ERC2: variants seen among roughly 807,000 people sequenced by gnomAD.
ERC2 encodes ELKS/RAB6-interacting/CAST family member 2.
ERC2 carries 42 observed loss-of-function variants against 114.8 expected under a neutral mutation model. The observed-to-expected ratio is 0.37, with a 90% CI of 0.29 to 0.47. ERC2 has a LOEUF of 0.47. Among genes scored for constraint, ERC2 ranks in the 20% least tolerant of loss-of-function variants. The pLI, the probability that ERC2 is intolerant of heterozygous loss-of-function variation, is 0.99. For missense variants in ERC2, 939 were observed against 1,150.7 expected, an observed-to-expected ratio of 0.82 and a Z score of 2.66; for synonymous variants, 454 against 425.5, an observed-to-expected ratio of 1.07 and a Z score of -0.82.
At chr3:56,355,072 G>A (rs1017889631) in intron 2 of ERC2, among the ~76,000 whole-genome samples, 1 of 152,188 alleles carries the variant, frequency 6.6e-6, no homozygotes, top group African/African-American at 2.4e-5. Context: ...ACAAAGGCAA[G>A]GGCATGCAAA....
At chr3:55,800,344 T>A (rs1314148712) in intron 14 of ERC2, among the ~76,000 whole-genome samples, 1 of 151,966 alleles carries the variant, frequency 6.6e-6, no homozygotes, top group African/African-American at 2.4e-5. Context: ...GGGTTTCACC[T>A]TGTTGGTCAG....
intron 17 of ERC2, among the ~76,000 whole-genome samples, chr3:55,591,575 G>A (rs1389174483): frequency 3.8e-5 from 1 of 26,318 alleles, no homozygotes; most frequent in African/African-American, 7.3e-5. Flanking sequence ...GTTTGTGTGC[G>A]TGTGTGTGTG....
chr3:55,527,790 T>C (rs1174873184), intron 17 of ERC2, among the ~76,000 whole-genome samples: 1 of 152,136 alleles, frequency 6.6e-6, no homozygotes, highest in Non-Finnish European at 1.5e-5. Context: ...AGCTAAAAAC[T>C]ATAGGATGGA....
At chr3:56,110,803 A>G (rs1408938929) in intron 6 of ERC2, among the ~76,000 whole-genome samples, 2 of 152,190 alleles carry the variant, frequency 1.3e-5, no homozygotes, top group East Asian at 1.9e-4. Context: ...TTGATTCTAC[A>G]TATCTAAATG....
intron 14 of ERC2, among the ~76,000 whole-genome samples, chr3:55,769,875 T>C (rs1484490218): frequency 6.6e-6 from 1 of 152,174 alleles, no homozygotes; most frequent in Non-Finnish European, 1.5e-5. Flanking sequence ...TGGCAGAAGG[T>C]TCTTGTGGCA....
chr3:55,557,488 A>G (rs1011613980), intron 17 of ERC2, among the ~76,000 whole-genome samples: 44 of 152,216 alleles, frequency 2.9e-4, no homozygotes, highest in African/African-American at 1.1e-3. Context: ...AACAGATATC[A>G]GCCTGCAAAG....
chr3:56,372,750 A>C (rs2059402931), intron 2 of ERC2, among the ~76,000 whole-genome samples: 1 of 152,140 alleles, frequency 6.6e-6, no homozygotes, highest in East Asian at 1.9e-4. Context: ...AGAAAAGAAA[A>C]GAAAATTAGA....
At chr3:56,165,786 C>A (rs1251179909) in intron 4 of ERC2, among the ~76,000 whole-genome samples, 1 of 151,850 alleles carries the variant, frequency 6.6e-6, no homozygotes, top group Non-Finnish European at 1.5e-5. Context: ...TACTGGCCAG[C>A]CATTTGGCTA....
chr3:56,314,144 A>T (rs953677937), intron 2 of ERC2, among the ~76,000 whole-genome samples: 5 of 152,218 alleles, frequency 3.3e-5, no homozygotes, highest in Admixed American at 3.3e-4. Flanking sequence ...CTGGGGCCAA[A>T]AGCCTGGTCA....
intron 14 of ERC2, among the ~76,000 whole-genome samples, chr3:55,821,975 T>A (rs1299612395): frequency 6.6e-6 from 1 of 152,138 alleles, no homozygotes; most frequent in Non-Finnish European, 1.5e-5. Flanking sequence ...TCACATGGAG[T>A]TGGTTAAAAA....
At chr3:55,806,328 C>CAAA (rs58267124) in intron 14 of ERC2, among the ~76,000 whole-genome samples, 162 of 111,254 alleles carry the variant, frequency 1.5e-3, no homozygotes, top group African/African-American at 4.0e-3. Context: ...AACTCCTTCT[C>CAAA]AAAAAAAAAA....
At chr3:56,241,118 G>A (rs1306015175) in intron 3 of ERC2, among the ~76,000 whole-genome samples, 1 of 151,926 alleles carries the variant, frequency 6.6e-6, no homozygotes, top group Non-Finnish European at 1.5e-5. Flanking sequence ...TAGGATAATG[G>A]CATCCAGCTC....
chr3:55,663,584 G>A (rs1263994584), intron 17 of ERC2, among the ~76,000 whole-genome samples: 1 of 152,180 alleles, frequency 6.6e-6, no homozygotes, highest in Non-Finnish European at 1.5e-5. Flanking sequence ...CACCTATCAG[G>A]GTTGAGCTGC....
At chr3:55,870,774 G>T (rs1322384801) in intron 14 of ERC2, among the ~76,000 whole-genome samples, 1 of 152,216 alleles carries the variant, frequency 6.6e-6, no homozygotes, top group African/African-American at 2.4e-5. Context: ...CTGTTTCCAT[G>T]ACGACATTTA....
intron 13 of ERC2, among the ~76,000 whole-genome samples, chr3:55,908,487 A>C (rs556555543): frequency 2.0e-5 from 3 of 152,070 alleles, no homozygotes; most frequent in Non-Finnish European, 2.9e-5. Flanking sequence ...TGAACAGAGG[A>C]GGAAAGGAAG....
chr3:56,346,801 T>C (rs1203664638), intron 2 of ERC2, among the ~76,000 whole-genome samples: 1 of 152,148 alleles, frequency 6.6e-6, no homozygotes, highest in Admixed American at 6.6e-5. Flanking sequence ...ACGTCCAATA[T>C]GTAGAGGCCA....
At chr3:56,428,375 G>A (rs1349262398) in intron 2 of ERC2, among the ~76,000 whole-genome samples, 5 of 151,842 alleles carry the variant, frequency 3.3e-5, no homozygotes. Flanking sequence ...ACAAAAATCA[G>A]CCGCGCGTGC....
chr3:56,427,337 G>C (rs879445879), intron 2 of ERC2, among the ~76,000 whole-genome samples: 4 of 152,088 alleles, frequency 2.6e-5, no homozygotes, highest in African/African-American at 7.2e-5. Flanking sequence ...TATAGCCCCA[G>C]CTGGTCTCAA....
At chr3:56,365,722 A>T (rs1257296973) in intron 2 of ERC2, among the ~76,000 whole-genome samples, 1 of 152,274 alleles carries the variant, frequency 6.6e-6, no homozygotes, top group Non-Finnish European at 1.5e-5. Flanking sequence ...ATAAAGTTTA[A>T]TTGGAACACA....
Sources: gnomAD v4.1 joint callset for allele counts (sites outside exome capture counted in the v4.1 genomes callset) on GRCh38, gnomAD v4.1.1 for gene constraint, MANE v1.5 for transcripts, NCBI Gene and HGNC (gene_info 2026-07-23, HGNC 2026-07-21) for gene names.